Variants in ARMH4 observed in about 807,000 individuals in gnomAD.
The protein encoded by ARMH4 is armadillo-like helical domain-containing protein 4.
In ARMH4, 49 loss-of-function variants were observed where a neutral mutation model predicts 61.9. That is an observed-to-expected ratio of 0.79 (90% CI 0.63 to 1.00). The LOEUF (loss-of-function observed/expected upper bound fraction) is 1.00, where lower values mean the gene tolerates loss of function less well. Ranked by LOEUF, ARMH4 falls within the 50% of genes least tolerant of loss-of-function variation. ARMH4 has a pLI of 0.00. For synonymous variants in ARMH4, 368 were observed against 341.5 expected (o/e 1.08, Z -0.85); for missense variants, 934 against 930.0 (o/e 1.00, Z -0.06).
At chr14:58,109,621 C>A (rs2141284948) in intron 4 of ARMH4, among the ~76,000 whole-genome samples, 1 of 152,302 alleles carries the variant, frequency 6.6e-6, no homozygotes, top group South Asian at 2.1e-4. Context: ...CTGGCTATTT[C>A]TTGGCCTATT....
At chr14:58,127,023 C>T (rs988814857) in intron 4 of ARMH4, among the ~76,000 whole-genome samples, 2 of 151,928 alleles carry the variant, frequency 1.3e-5, no homozygotes, top group African/African-American at 2.4e-5. Context: ...GGGATGGTCT[C>T]GATCTCCTGA....
chr14:58,048,440 C>T (rs1475226246), intron 5 of ARMH4, among the ~76,000 whole-genome samples: 1 of 152,178 alleles, frequency 6.6e-6, no homozygotes, highest in African/African-American at 2.4e-5. Flanking sequence ...TAATTAATAG[C>T]AGGCTGCCTA....
intron 5 of ARMH4, among the ~76,000 whole-genome samples, chr14:58,044,389 T>G (rs1480893078): frequency 1.3e-5 from 2 of 152,166 alleles, no homozygotes; most frequent in African/African-American, 2.4e-5. Context: ...TAACAAATGG[T>G]GCTGGGAAAA....
At chr14:58,094,329 CA>C (rs759288462) in intron 5 of ARMH4, among the ~76,000 whole-genome samples, 181 of 117,548 alleles carry the variant, frequency 1.5e-3, no homozygotes, top group Admixed American at 1.6e-3. Context: ...GACGCTTTCT[CA>C]AAAAAAAAAA....
intron 5 of ARMH4, among the ~76,000 whole-genome samples, chr14:58,035,155 C>A (rs1883429665): frequency 1.4e-5 from 2 of 143,618 alleles, no homozygotes; most frequent in African/African-American, 5.2e-5. Flanking sequence ...GGAAGTAAAG[C>A]TCTCCTCAGC....
intron 4 of ARMH4, among the ~76,000 whole-genome samples, chr14:58,127,764 G>A (rs1412999925): frequency 1.3e-5 from 2 of 152,054 alleles, no homozygotes; most frequent in Admixed American, 1.3e-4. Flanking sequence ...CTGTCTCTGT[G>A]TGGTCCGCAC....
At chr14:58,099,301 A>C (rs913440742) in intron 4 of ARMH4, among the ~76,000 whole-genome samples, 23 of 152,218 alleles carry the variant, frequency 1.5e-4, no homozygotes, top group African/African-American at 4.6e-4. Context: ...GGTCCAGACC[A>C]CATTCCCGGG....
At chr14:58,095,163 A>T (rs1885706138) in intron 5 of ARMH4, among the ~76,000 whole-genome samples, 1 of 152,164 alleles carries the variant, frequency 6.6e-6, no homozygotes, top group African/African-American at 2.4e-5. Context: ...TCCAGGGTAG[A>T]TGCCATATGA....
chr14:58,012,063 T>C (rs1463623954), intron 6 of ARMH4, 56 bp downstream of exon 6: 1 of 1,235,442 alleles, frequency 8.1e-7, no homozygotes, highest in African/African-American at 1.5e-5. Flanking sequence ...GATCTTTTGC[T>C]TAATAAAGCT....
intron 5 of ARMH4, among the ~76,000 whole-genome samples, chr14:58,019,479 C>T (rs1038970898): frequency 6.6e-6 from 1 of 152,150 alleles, no homozygotes; most frequent in African/African-American, 2.4e-5. Flanking sequence ...CTCGCCAGCA[C>T]CCTCTTGTGT....
At chr14:58,026,968 C>T (rs1306103044) in intron 5 of ARMH4, among the ~76,000 whole-genome samples, 1 of 152,154 alleles carries the variant, frequency 6.6e-6, no homozygotes, top group Non-Finnish European at 1.5e-5. Context: ...CTCCCTAGTG[C>T]CTTGACTTAG....
chr14:58,091,931 G>A (rs1361460332), intron 5 of ARMH4, among the ~76,000 whole-genome samples: 2 of 152,140 alleles, frequency 1.3e-5, no homozygotes, highest in Non-Finnish European at 2.9e-5. Context: ...GCAAGATGAA[G>A]AAACTAAGTT....
intron 4 of ARMH4, among the ~76,000 whole-genome samples, chr14:58,130,366 G>A (rs981338864): frequency 1.3e-5 from 2 of 152,128 alleles, no homozygotes; most frequent in African/African-American, 4.8e-5. Flanking sequence ...GTCTGCACCA[G>A]AGTCAGCTGC....
chr14:58,108,278 T>C (rs1401088328), intron 4 of ARMH4, among the ~76,000 whole-genome samples: 1 of 152,228 alleles, frequency 6.6e-6, no homozygotes, highest in Non-Finnish European at 1.5e-5. Context: ...AATGGAAATA[T>C]TCCTGCCAAG....
At position 58,012,110 on chromosome 14, in the gene ARMH4, T is replaced by C; in HGVS notation, c.2121+9A>G. The C allele has an allele frequency of 6.8e-7, 1 of 1,479,098 alleles. No homozygotes were observed. Among genetic ancestry groups the C allele is most frequent in the East Asian group, 2.4e-5 (1 of 42,152 alleles). 91.6% of individuals were successfully genotyped at this position (1,479,098 alleles called of 1,614,324 possible). On this transcript the variant is annotated intron_variant, in intron 6 of 7. Transcript: ENST00000267485. Reference sequence around the variant, plus strand: ...AAAATAAACCAATGGAAGAAAATACTTTTCTTACCTTGTCTTTTAATTTTT... The same window carrying C: ...AAAATAAACCAATGGAAGAAAATACCTTTCTTACCTTGTCTTTTAATTTTT...
intron 5 of ARMH4, among the ~76,000 whole-genome samples, chr14:58,016,268 G>T (rs919999765): frequency 2.6e-5 from 4 of 151,970 alleles, no homozygotes; most frequent in Non-Finnish European, 5.9e-5. Flanking sequence ...AAAACCTTAG[G>T]TTATGTCTAT....
intron 5 of ARMH4, among the ~76,000 whole-genome samples, chr14:58,088,550 C>T (rs971275193): frequency 1.3e-5 from 2 of 151,932 alleles, no homozygotes; most frequent in Admixed American, 6.6e-5. Context: ...AATGGCATTA[C>T]TCTCTAATTC....
At position 58,145,192 on chromosome 14, in the gene ARMH4, G is replaced by C. The variant is rs554318781; in HGVS notation, c.-56-5778C>G. Among the ~76,000 whole-genome samples, 4 of 107,620 alleles carry C rather than the reference G, an allele frequency of 3.7e-5. No individual in the cohort carries two copies. The East Asian group carries it at 7.1e-4, about 19-fold the overall frequency. 70.6% of individuals were successfully genotyped at this position (107,620 alleles called of 152,430 possible). On this transcript the variant is annotated intron_variant, in intron 1 of 7. Transcript: ENST00000267485. ...ATGGTAATAGAGTTTAGAGGGACTT[G>C]GGCTGGCATCAGAAAAATGATTCCT...
intron 5 of ARMH4, among the ~76,000 whole-genome samples, chr14:58,057,510 G>A (rs1249985253): frequency 6.6e-6 from 1 of 152,036 alleles, no homozygotes; most frequent in Non-Finnish European, 1.5e-5. Flanking sequence ...GGTGTTACTA[G>A]CTCAAAAGGT....
Sources: gnomAD v4.1 joint callset for allele counts (sites outside exome capture counted in the v4.1 genomes callset) on GRCh38, gnomAD v4.1.1 for gene constraint, MANE v1.5 for transcripts, NCBI Gene and HGNC (gene_info 2026-07-23, HGNC 2026-07-21) for gene names.